The following NEK5 variants were observed in gnomAD, a reference collection of about 807,000 sequenced individuals.
NEK5 encodes NIMA related kinase 5, also known as serine/threonine-protein kinase Nek5.
In NEK5, 88 loss-of-function variants were observed where a neutral mutation model predicts 109.2. The observed-to-expected ratio is 0.81, with a 90% CI of 0.68 to 0.96. The LOEUF (loss-of-function observed/expected upper bound fraction) is 0.96, where lower values mean the gene tolerates loss of function less well. NEK5 is among the 40% of genes least tolerant of loss of function. The probability of loss-of-function intolerance (pLI) is 0.00; values close to 1 mark genes in which losing one functional copy is unlikely to be tolerated. For missense variants in NEK5, 834 were observed against 920.7 expected (o/e 0.91, Z 1.22); for synonymous variants, 283 against 299.9 (o/e 0.94, Z 0.58).
intron 13 of NEK5, among the ~76,000 whole-genome samples, chr13:52,089,810 AC>A (rs1245094083): frequency 2.6e-5 from 4 of 152,004 alleles, no homozygotes; most frequent in Non-Finnish European, 4.4e-5. Flanking sequence ...ACATGGTGAA[AC>A]CCCGTCTCTG....
At chr13:52,084,495 AG>A (rs1315745103) in intron 16 of NEK5, among the ~76,000 whole-genome samples, 2 of 152,060 alleles carry the variant, frequency 1.3e-5, no homozygotes, top group Admixed American at 6.6e-5. Context: ...CTAGGATTAC[AG>A]GCATGAACAT....
At chr13:52,040,336 C>T (rs1374019692) in intron 23 of NEK5, among the ~76,000 whole-genome samples, 1 of 152,112 alleles carries the variant, frequency 6.6e-6, no homozygotes, top group Non-Finnish European at 1.5e-5. Flanking sequence ...CCGCCCACCT[C>T]AGCCTCCCAA....
chr13:52,101,268 T>C (rs1013927501), intron 11 of NEK5, among the ~76,000 whole-genome samples: 6 of 151,970 alleles, frequency 3.9e-5, no homozygotes, highest in African/African-American at 1.5e-4. Flanking sequence ...GGAGTGGTGA[T>C]GGGCGGCTGT....
Position 52,110,488 on chromosome 13 carries a change from T to C in NEK5, c.396+6A>G. On this transcript the variant is annotated splice_donor_region_variant and intron_variant, in intron 6 of 23. Coordinates refer to ENST00000684899, the MANE Select transcript of NEK5 (RefSeq NM_001365552.1). ...TTCTGTCTTAGTCTTCTCTCTGAGC[T>C]GTTACCTGAGCTTTTATGTCCCTGT... 6.2e-7 allele frequency: 1 copy of C among 1,607,808 alleles called. No individual in the cohort carries two copies. Among genetic ancestry groups the C allele is most frequent in the South Asian group, 1.1e-5 (1 of 90,946 alleles).
chr13:52,097,337 C>T (rs1048278176), intron 12 of NEK5, among the ~76,000 whole-genome samples: 5 of 152,196 alleles, frequency 3.3e-5, no homozygotes, highest in East Asian at 1.9e-4. Flanking sequence ...GCTTGCACCA[C>T]GCACCTGGAA....
chr13:52,064,291 C>T (rs12876599), intron 21 of NEK5, among the ~76,000 whole-genome samples: 4 of 141,732 alleles, frequency 2.8e-5, no homozygotes, highest in African/African-American at 5.2e-5. Context: ...TCTGCCCGGC[C>T]GCCCCTACTG....
At chr13:52,041,392 T>A (rs1954411561) in intron 23 of NEK5, among the ~76,000 whole-genome samples, 1 of 152,090 alleles carries the variant, frequency 6.6e-6, no homozygotes. Context: ...ATGAAATATA[T>A]AATCATTTAA....
intron 22 of NEK5, among the ~76,000 whole-genome samples, chr13:52,061,322 C>T (rs1371880226): frequency 6.6e-6 from 1 of 152,194 alleles, no homozygotes; most frequent in Non-Finnish European, 1.5e-5. Flanking sequence ...TCACCTCCTG[C>T]TGTGTGGCCT....
At chr13:52,117,929 T>C (rs1156698344) in intron 4 of NEK5, among the ~76,000 whole-genome samples, 1 of 152,202 alleles carries the variant, frequency 6.6e-6, no homozygotes, top group African/African-American at 2.4e-5. Context: ...ATTATCAGTA[T>C]CCAATGGACA....
At chr13:52,097,182 CA>C (rs1274113134) in intron 12 of NEK5, among the ~76,000 whole-genome samples, 1 of 152,190 alleles carries the variant, frequency 6.6e-6, no homozygotes, top group Non-Finnish European at 1.5e-5. Flanking sequence ...AAGCCTGTTT[CA>C]GGGGGACCCT....
At chr13:52,066,990 G>A (rs755769268) in intron 20 of NEK5, among the ~76,000 whole-genome samples, 3 of 151,842 alleles carry the variant, frequency 2.0e-5, no homozygotes, top group African/African-American at 7.3e-5. Context: ...TTCTTTTCAC[G>A]CTGACTTGTG....
chr13:52,091,063 T>C (rs1177778870), intron 13 of NEK5, among the ~76,000 whole-genome samples: 1 of 151,650 alleles, frequency 6.6e-6, no homozygotes, highest in African/African-American at 2.4e-5. Context: ...TCCCATGGCC[T>C]GTAATTGGAC....
At chr13:52,065,405 T>C (rs1409398713) in intron 21 of NEK5, 79 bp downstream of exon 21, 1 of 1,598,080 alleles carries the variant, frequency 6.3e-7, no homozygotes, top group Non-Finnish European at 8.6e-7. Context: ...AGAAGTAGAC[T>C]ATCACATCAG....
chr13:52,093,271 T>G, intron 12 of NEK5, 36 bp from the exon 13 acceptor site: 1 of 1,532,826 alleles, frequency 6.5e-7, no homozygotes, highest in East Asian at 2.3e-5. Context: ...TTAAAAACCA[T>G]AATACAGGCT....
intron 8 of NEK5, among the ~76,000 whole-genome samples, chr13:52,107,787 A>G (rs1955683187): frequency 6.6e-6 from 1 of 152,118 alleles, no homozygotes. Context: ...CTCCACAAAC[A>G]AGTTTATTGG....
chr13:52,063,046 GT>G, intron 21 of NEK5, among the ~76,000 whole-genome samples: 1 of 149,676 alleles, frequency 6.7e-6, no homozygotes, highest in East Asian at 2.0e-4. Flanking sequence ...TCTCCCCACG[GT>G]CCCCCTCTCC....
intron 23 of NEK5, among the ~76,000 whole-genome samples, chr13:52,047,244 C>T (rs896629370): frequency 2.0e-5 from 3 of 152,062 alleles, no homozygotes; most frequent in African/African-American, 7.2e-5. Context: ...TTAAACTATA[C>T]ATATACTAGT....
chr13:52,063,865 G>A (rs547340568), intron 21 of NEK5, among the ~76,000 whole-genome samples: 133 of 152,004 alleles, frequency 8.7e-4, no homozygotes, highest in African/African-American at 2.8e-3. Flanking sequence ...AGTGAGGAGC[G>A]TCTCCGCCCG....
Position 52,072,005 on chromosome 13 carries a change from A to C in NEK5, c.1788T>G (p.Cys596Trp). 2 of 1,610,590 alleles carry C rather than the reference A, an allele frequency of 1.2e-6. No homozygotes were observed. The highest frequency in any genetic ancestry group is 1.7e-6 in the Non-Finnish European group (2 of 1,176,864). Residue 596 changes from cysteine to tryptophan, a missense_variant, in exon 20 of 24, where the codon TGT becomes TGG. By Grantham distance (215) the Cys-to-Trp change is radical (BLOSUM62 -2). Transcript: ENST00000684899. ...CTGTATAATCTCCATGCTCCTTTACACATTCATATTCCTTAAACTTCATGC... is the reference window on the plus strand; with the variant it reads ...CTGTATAATCTCCATGCTCCTTTACCCATTCATATTCCTTAAACTTCATGC... Reference protein sequence around the residue: ...EDGMKFKEYECVKEHGDYTDK... With the variant: ...EDGMKFKEYEWVKEHGDYTDK...
Sources: allele counts gnomAD v4.1 joint callset (sites outside exome capture counted in the v4.1 genomes callset), GRCh38; gene constraint gnomAD v4.1.1; transcripts MANE v1.5; gene names NCBI Gene and HGNC (gene_info 2026-07-23, HGNC 2026-07-21).